NRG1: variants seen among roughly 807,000 people sequenced by gnomAD.
NRG1 encodes pro-neuregulin-1, membrane-bound isoform.
Under a neutral mutation model 63.8 loss-of-function variants are expected in NRG1, and 18 were observed. The ratio of observed to expected loss-of-function variants is 0.28; its 90% CI spans 0.19 to 0.42. NRG1 has a LOEUF of 0.42. Among genes scored for constraint, NRG1 ranks in the 10% least tolerant of loss-of-function variants. The probability of loss-of-function intolerance (pLI) is 1.00; values close to 1 mark genes in which losing one functional copy is unlikely to be tolerated. For missense variants in NRG1, 762 were observed against 814.7 expected, an observed-to-expected ratio of 0.94 and a Z score of 0.79; for synonymous variants, 302 against 301.3, an observed-to-expected ratio of 1.00 and a Z score of -0.02.
intron 1 of NRG1, among the ~76,000 whole-genome samples, chr8:32,127,840 C>T (rs1035665130): frequency 1.9e-4 from 29 of 151,634 alleles, no homozygotes; most frequent in African/African-American, 4.6e-4. Flanking sequence ...GTAAAAGGAT[C>T]GCTTGAGCCC....
At chr8:32,257,251 C>T (rs1052071627) in intron 1 of NRG1, among the ~76,000 whole-genome samples, 1 of 152,112 alleles carries the variant, frequency 6.6e-6, no homozygotes, top group Non-Finnish European at 1.5e-5. Flanking sequence ...TGAGCTAGAT[C>T]ACTTGGCTCC....
intron 1 of NRG1, among the ~76,000 whole-genome samples, chr8:32,071,748 G>A (rs1302873010): frequency 6.6e-6 from 1 of 152,158 alleles, no homozygotes; most frequent in Non-Finnish European, 1.5e-5. Context: ...CATAAATGGA[G>A]TGGTTGAGCC....
At chr8:32,573,921 C>A (rs111724633) in intron 1 of NRG1, among the ~76,000 whole-genome samples, 1 of 151,952 alleles carries the variant, frequency 6.6e-6, no homozygotes, top group Admixed American at 6.6e-5. Context: ...TTTGTCCTTG[C>A]GATAGTTTGC....
intron 6 of NRG1, among the ~76,000 whole-genome samples, chr8:32,738,066 T>C (rs1190682457): frequency 6.6e-6 from 1 of 152,146 alleles, no homozygotes; most frequent in African/African-American, 2.4e-5. Flanking sequence ...GAGCCTATTA[T>C]GAGCCAGGCA....
intron 1 of NRG1, among the ~76,000 whole-genome samples, chr8:32,001,083 A>G (rs553677643): frequency 2.8e-4 from 42 of 152,188 alleles, no homozygotes; most frequent in African/African-American, 9.9e-4. Context: ...TGTTCCCCCT[A>G]TTATGAACAT....
intron 1 of NRG1, among the ~76,000 whole-genome samples, chr8:31,826,321 C>T (rs1283289902): frequency 6.6e-6 from 1 of 152,108 alleles, no homozygotes; most frequent in Non-Finnish European, 1.5e-5. Flanking sequence ...CAGGAGGGAC[C>T]TGGCAGGAGG....
intron 1 of NRG1, among the ~76,000 whole-genome samples, chr8:32,475,189 A>G (rs774888188): frequency 3.9e-5 from 6 of 152,046 alleles, no homozygotes; most frequent in Admixed American, 2.6e-4. Context: ...CTACTTGGCC[A>G]GGCACGCTGG....
intron 1 of NRG1, among the ~76,000 whole-genome samples, chr8:32,133,361 T>C (rs370424261): frequency 1.3e-5 from 2 of 152,056 alleles, no homozygotes; most frequent in Non-Finnish European, 2.9e-5. Context: ...ATGCAAATAC[T>C]CCCACCACAG....
At chr8:31,866,580 T>C (rs971304355) in intron 1 of NRG1, among the ~76,000 whole-genome samples, 1 of 152,188 alleles carries the variant, frequency 6.6e-6, no homozygotes, top group Non-Finnish European at 1.5e-5. Flanking sequence ...CAATGGCTGT[T>C]GAAAATTCTC....
At position 32,227,874 on chromosome 8, in the gene NRG1, T is replaced by C. The variant is rs1846500949; in HGVS notation, c.38-367954T>C. Among the ~76,000 whole-genome samples, 4 of 152,182 alleles carry C rather than the reference T, an allele frequency of 2.6e-5. No individual in the cohort carries two copies. The South Asian group carries it at 8.3e-4, about 32-fold the overall frequency. ...CAGTGAACCAGAAGAGCTTAGGCCATCTATTTTATCCTAAAATCTGTTCAG... is the reference window on the plus strand; with the variant it reads ...CAGTGAACCAGAAGAGCTTAGGCCACCTATTTTATCCTAAAATCTGTTCAG... On this transcript the variant is annotated intron_variant, in intron 1 of 10. Coordinates refer to the NRG1 transcript ENST00000519301.
At chr8:31,875,797 G>A (rs1026084157) in intron 1 of NRG1, among the ~76,000 whole-genome samples, 1 of 152,094 alleles carries the variant, frequency 6.6e-6, no homozygotes, top group Non-Finnish European at 1.5e-5. Flanking sequence ...TCATCTGAAG[G>A]CAAGTAACTC....
intron 5 of NRG1, among the ~76,000 whole-genome samples, chr8:32,634,510 T>A (rs927970204): frequency 2.6e-5 from 4 of 152,214 alleles, no homozygotes; most frequent in African/African-American, 9.6e-5. Flanking sequence ...TGGCCAGACT[T>A]AAGACACATA....
chr8:32,462,269 G>GAC (rs1235774554), intron 1 of NRG1, among the ~76,000 whole-genome samples: 2 of 152,158 alleles, frequency 1.3e-5, no homozygotes. Flanking sequence ...ATTGGTGAGT[G>GAC]ACAACAGTGC....
chr8:32,548,915 C>A, intron 1 of NRG1, 89 bp downstream of exon 1: 1 of 1,431,442 alleles, frequency 7.0e-7, no homozygotes, highest in Non-Finnish European at 9.2e-7. Flanking sequence ...CTCTCCCTCC[C>A]CCTCTCCCTC....
intron 1 of NRG1, among the ~76,000 whole-genome samples, chr8:31,765,285 G>T (rs890715077): frequency 6.6e-6 from 1 of 152,034 alleles, no homozygotes; most frequent in Admixed American, 6.6e-5. Context: ...AGTAGGGACT[G>T]TTTTCTTTCT....
At chr8:32,743,541 A>G (rs1192829504) in intron 7 of NRG1, among the ~76,000 whole-genome samples, 1 of 144,872 alleles carries the variant, frequency 6.9e-6, no homozygotes, top group Non-Finnish European at 1.5e-5. Flanking sequence ...GTGTGCGTGT[A>G]TATACATATA....
chr8:31,735,114 T>C (rs1221597584), intron 1 of NRG1, among the ~76,000 whole-genome samples: 4 of 152,146 alleles, frequency 2.6e-5, no homozygotes, highest in Non-Finnish European at 5.9e-5. Flanking sequence ...AGTCAATTTC[T>C]GGGGACTGAG....
intron 1 of NRG1, among the ~76,000 whole-genome samples, chr8:31,989,650 C>T (rs1222732279): frequency 1.4e-5 from 2 of 148,096 alleles, no homozygotes; most frequent in African/African-American, 2.7e-5. Flanking sequence ...AAATAATTTG[C>T]TTTTGCACTG....
chr8:32,540,075 T>TTTGTTGTTGTTG (rs149306385), intron 1 of NRG1, among the ~76,000 whole-genome samples: 1 of 151,920 alleles, frequency 6.6e-6, no homozygotes, highest in African/African-American at 2.4e-5. Context: ...AAAGAAAGGT[T>TTTGTTGTTGTTG]TTGTTGTTGT....
Sources: gnomAD v4.1 joint callset for allele counts (sites outside exome capture counted in the v4.1 genomes callset) on GRCh38, gnomAD v4.1.1 for gene constraint, MANE v1.5 for transcripts, NCBI Gene and HGNC (gene_info 2026-07-23, HGNC 2026-07-21) for gene names.